ADAMTS6: variants seen among roughly 807,000 people sequenced by gnomAD.
ADAMTS6 encodes ADAM metallopeptidase with thrombospondin type 1 motif 6.
A neutral mutation model predicts 144.3 loss-of-function variants in ADAMTS6; 23 were observed. That is an observed-to-expected ratio of 0.16 (90% CI 0.11 to 0.23). The LOEUF (loss-of-function observed/expected upper bound fraction) is 0.23, where lower values mean the gene tolerates loss of function less well. Ranked by LOEUF, ADAMTS6 falls within the 10% of genes least tolerant of loss-of-function variation. ADAMTS6 has a pLI of 1.00. For missense variants in ADAMTS6, 999 were observed against 1,379.6 expected, an observed-to-expected ratio of 0.72 and a Z score of 4.37; for synonymous variants, 444 against 457.5, an observed-to-expected ratio of 0.97 and a Z score of 0.38.
rs368071594 is a variant in ADAMTS6 at position 65,310,777 on chromosome 5, A to G, written c.1224-10646T>C. ...GGAAAAGGTAAATGAAAATAACTGA[A>G]GAAGTTCTAAAGGGGACTTTTAAGT... On this transcript the variant is annotated intron_variant, in intron 9 of 24. Coordinates refer to ENST00000381055, the MANE Select transcript of ADAMTS6 (RefSeq NM_197941.4). Among the ~76,000 whole-genome samples, 9 of 152,338 alleles carry G rather than the reference A, an allele frequency of 5.9e-5. 1 individual carries two copies. In the East Asian group the frequency reaches 1.7e-3, roughly 29 times the overall value.
intron 20 of ADAMTS6, among the ~76,000 whole-genome samples, chr5:65,209,678 T>C (rs1447334409): frequency 6.6e-6 from 1 of 152,196 alleles, no homozygotes; most frequent in Non-Finnish European, 1.5e-5. Flanking sequence ...AAGGTCTGGA[T>C]ATTAATAAAA....
intron 10 of ADAMTS6, 48 bp from the exon 11 acceptor site, chr5:65,291,518 T>A: frequency 6.5e-7 from 1 of 1,540,464 alleles, no homozygotes; most frequent in Non-Finnish European, 8.8e-7. Context: ...TATGGGCTAT[T>A]TTAGTCACAA....
chr5:65,281,238 A>T (rs537149487), intron 11 of ADAMTS6, among the ~76,000 whole-genome samples: 2 of 152,262 alleles, frequency 1.3e-5, no homozygotes, highest in South Asian at 4.1e-4. Flanking sequence ...TAATCACCAC[A>T]CACCTAAGCT....
chr5:65,312,275 GAA>G (rs1396251661), intron 9 of ADAMTS6, among the ~76,000 whole-genome samples: 1 of 151,276 alleles, frequency 6.6e-6, no homozygotes. Flanking sequence ...AAAAAAGAAA[GAA>G]AAGAAAAAAA....
intron 7 of ADAMTS6, among the ~76,000 whole-genome samples, chr5:65,397,100 C>A (rs1259569300): frequency 1.3e-5 from 2 of 152,192 alleles, no homozygotes; most frequent in African/African-American, 4.8e-5. Context: ...TACATTTCTT[C>A]TCTGTTATCA....
intron 7 of ADAMTS6, among the ~76,000 whole-genome samples, chr5:65,370,539 C>G (rs1466220805): frequency 1.4e-4 from 22 of 152,210 alleles, no homozygotes; most frequent in Non-Finnish European, 5.9e-5. Flanking sequence ...AGTCGGGTCA[C>G]TCCCACCCAA....
intron 7 of ADAMTS6, among the ~76,000 whole-genome samples, chr5:65,348,755 C>T (rs543521804): frequency 1.5e-4 from 22 of 151,406 alleles, no homozygotes; most frequent in Admixed American, 2.0e-4. Context: ...TAACATTGTA[C>T]GCCATAAATA....
At chr5:65,243,272 T>A (rs1225111283) in intron 14 of ADAMTS6, among the ~76,000 whole-genome samples, 1 of 152,160 alleles carries the variant, frequency 6.6e-6, no homozygotes, top group Non-Finnish European at 1.5e-5. Context: ...TTTACTACCC[T>A]CCCTTAGATC....
At chr5:65,326,796 GA>G (rs1175963374) in intron 9 of ADAMTS6, among the ~76,000 whole-genome samples, 3 of 152,130 alleles carry the variant, frequency 2.0e-5, no homozygotes, top group African/African-American at 7.2e-5. Flanking sequence ...TTTTAATGAT[GA>G]CATGAATTGT....
At chr5:65,448,566 C>T (rs1561550864) in intron 7 of ADAMTS6, among the ~76,000 whole-genome samples, 2 of 151,990 alleles carry the variant, frequency 1.3e-5, no homozygotes, top group South Asian at 2.1e-4. Context: ...CATTCTCCTG[C>T]CTCAGCCTCC....
intron 23 of ADAMTS6, 114 bp from the exon 24 acceptor site, chr5:65,170,887 T>C: frequency 8.6e-7 from 1 of 1,157,872 alleles, no homozygotes; most frequent in Non-Finnish European, 1.2e-6. Flanking sequence ...TTTTTTCTTT[T>C]GAGACACAGC....
intron 12 of ADAMTS6, among the ~76,000 whole-genome samples, chr5:65,265,351 T>C (rs1228210203): frequency 6.6e-6 from 1 of 152,084 alleles, no homozygotes. Flanking sequence ...AATGTTCCAC[T>C]TGAAAACTTA....
rs373961162 is a variant in ADAMTS6 at position 65,465,044 on chromosome 5, A to G, written c.463-4706T>C. The stretch of plus-strand genomic sequence containing the variant: ...TAAGATTCAACTTTGCTGGGCCTGC[A>G]CCTTTGCAGCTGCATTTAGCCAGAG... On this transcript the variant is annotated intron_variant, in intron 3 of 24. Transcript: ENST00000381055. Among the ~76,000 whole-genome samples the G allele has an allele frequency of 6.6e-5, 10 of 152,296 alleles. No homozygotes were observed. In the East Asian group the frequency reaches 1.2e-3, roughly 18 times the overall value.
Position 65,172,181 on chromosome 5 carries a change from G to A in ADAMTS6, c.3087+651C>T, listed in dbSNP as rs981298879. ...TGTAATCCCAGCACTTTGGGAGGCCGAGGCGGGCGGATCACGAGGTCAGGA... is the reference window on the plus strand; with the variant it reads ...TGTAATCCCAGCACTTTGGGAGGCCAAGGCGGGCGGATCACGAGGTCAGGA... On this transcript the variant is annotated intron_variant, in intron 23 of 24. Transcript: ENST00000381055. Among the ~76,000 whole-genome samples, 7 of 151,444 alleles carry A rather than the reference G, an allele frequency of 4.6e-5. No individual in the cohort carries two copies. The South Asian group carries it at 8.4e-4, about 18-fold the overall frequency.
intron 23 of ADAMTS6, among the ~76,000 whole-genome samples, chr5:65,172,306 C>T (rs1350295782): frequency 2.0e-5 from 3 of 150,334 alleles, no homozygotes; most frequent in Non-Finnish European, 3.0e-5. Flanking sequence ...CCCAGCTACT[C>T]GGGAGGCTGA....
At chr5:65,179,964 A>ACG (rs1383563647) in intron 22 of ADAMTS6, among the ~76,000 whole-genome samples, 1 of 151,862 alleles carries the variant, frequency 6.6e-6, no homozygotes, top group African/African-American at 2.4e-5. Context: ...ACGCGCACAC[A>ACG]CACACACACA....
intron 7 of ADAMTS6, among the ~76,000 whole-genome samples, chr5:65,381,395 C>T (rs1752027691): frequency 6.6e-6 from 1 of 150,482 alleles, no homozygotes; most frequent in Non-Finnish European, 1.5e-5. Flanking sequence ...TGGAGTCTCA[C>T]TCTGTCGCCC....
intron 7 of ADAMTS6, among the ~76,000 whole-genome samples, chr5:65,402,948 G>A (rs1754062708): frequency 6.6e-6 from 1 of 152,012 alleles, no homozygotes; most frequent in Non-Finnish European, 1.5e-5. Context: ...TATATGCAAT[G>A]TCTTTACTTC....
chr5:65,233,713 T>C (rs1426536852), intron 15 of ADAMTS6, among the ~76,000 whole-genome samples: 2 of 152,076 alleles, frequency 1.3e-5, no homozygotes, highest in Non-Finnish European at 2.9e-5. Flanking sequence ...CCCAAAGTGA[T>C]CCATGGATTT....
Sources: allele counts gnomAD v4.1 joint callset (sites outside exome capture counted in the v4.1 genomes callset), GRCh38; gene constraint gnomAD v4.1.1; transcripts MANE v1.5; gene names NCBI Gene and HGNC (gene_info 2026-07-23, HGNC 2026-07-21).